Variants in NKAIN2 observed in about 807,000 individuals in gnomAD.
The protein encoded by NKAIN2 is sodium/potassium transporting ATPase interacting 2.
NKAIN2 carries 14 observed loss-of-function variants against 32.6 expected under a neutral mutation model. The ratio of observed to expected loss-of-function variants is 0.43; its 90% CI spans 0.28 to 0.67. The LOEUF is 0.67. NKAIN2 is among the 30% of genes least tolerant of loss of function. The pLI, the probability that NKAIN2 is intolerant of heterozygous loss-of-function variation, is 0.17. For synonymous variants in NKAIN2, 80 were observed against 87.2 expected, an observed-to-expected ratio of 0.92 and a Z score of 0.46; for missense variants, 198 against 258.3, an observed-to-expected ratio of 0.77 and a Z score of 1.60.
At chr6:124,592,144 T>C (rs1300336314) in intron 3 of NKAIN2, among the ~76,000 whole-genome samples, 4 of 152,230 alleles carry the variant, frequency 2.6e-5, no homozygotes, top group Non-Finnish European at 5.9e-5. Context: ...CTAATGAGGA[T>C]GTCCTTGACT....
intron 1 of NKAIN2, among the ~76,000 whole-genome samples, chr6:124,168,892 A>G (rs931173284): frequency 2.0e-5 from 3 of 152,148 alleles, no homozygotes; most frequent in African/African-American, 7.2e-5. Flanking sequence ...GTCAAACAGA[A>G]TTATTGGCAT....
At chr6:124,370,675 A>C (rs1259374729) in intron 3 of NKAIN2, among the ~76,000 whole-genome samples, 1 of 151,990 alleles carries the variant, frequency 6.6e-6, no homozygotes, top group East Asian at 1.9e-4. Flanking sequence ...TTCCACTCTG[A>C]CAGAAAAATC....
chr6:124,077,921 C>A (rs1275593935), intron 1 of NKAIN2, among the ~76,000 whole-genome samples: 1 of 151,954 alleles, frequency 6.6e-6, no homozygotes, highest in African/African-American at 2.4e-5. Flanking sequence ...ATTCTTAATT[C>A]ATTTATATGC....
Position 124,255,828 on chromosome 6 carries a change from A to C in NKAIN2, c.55-27177A>C, listed in dbSNP as rs1793902371. On this transcript the variant is annotated intron_variant, in intron 1 of 6. Coordinates refer to ENST00000368417, the MANE Select transcript of NKAIN2 (RefSeq NM_001040214.3). ...AAAATATGCTCTCACTTGTCCTTTG[A>C]TTTAGAAATCCCACAGTCTCTTCTG... Among the ~76,000 whole-genome samples, 2 of 152,154 alleles carry C rather than the reference A, an allele frequency of 1.3e-5. 1 individual carries two copies. The highest frequency in any genetic ancestry group is 2.9e-5 in the Non-Finnish European group (2 of 68,028).
At chr6:123,996,646 T>C (rs1779631641) in intron 1 of NKAIN2, among the ~76,000 whole-genome samples, 1 of 152,156 alleles carries the variant, frequency 6.6e-6, no homozygotes. Context: ...TGCCTTTGCC[T>C]TATTTATATT....
chr6:124,242,772 G>T (rs73563719), intron 1 of NKAIN2, among the ~76,000 whole-genome samples: 161 of 151,528 alleles, frequency 1.1e-3, no homozygotes, highest in African/African-American at 3.7e-3. Context: ...AACCATTCCG[G>T]CAAACTAACA....
At chr6:124,691,451 T>C (rs1215873792) in intron 4 of NKAIN2, among the ~76,000 whole-genome samples, 1 of 152,142 alleles carries the variant, frequency 6.6e-6, no homozygotes, top group African/African-American at 2.4e-5. Flanking sequence ...ATTCAAATTC[T>C]TCATAATTGA....
Position 123,949,885 on chromosome 6 carries a change from G to A in NKAIN2, c.54+145631G>A, listed in dbSNP as rs543047031. Reference sequence around the variant, plus strand: ...CATGCTTATTTTGTTCCAGATGTTAGAGGAAAGACTTTCAGCTTTTCCACA... The same window carrying A: ...CATGCTTATTTTGTTCCAGATGTTAAAGGAAAGACTTTCAGCTTTTCCACA... On this transcript the variant is annotated intron_variant, in intron 1 of 6. Transcript: ENST00000368417. Among the ~76,000 whole-genome samples the A allele has an allele frequency of 9.9e-5, 15 of 152,092 alleles. No homozygotes were observed. The South Asian group carries it at 1.9e-3, about 19-fold the overall frequency.
chr6:123,883,650 A>T (rs9398743), intron 1 of NKAIN2, among the ~76,000 whole-genome samples: 31,755 of 109,588 alleles, frequency 0.29, 3,511 homozygotes, highest in African/African-American at 0.33. Flanking sequence ...TTAAAAAAAA[A>T]TTTTTTTTAA....
chr6:124,713,678 G>A (rs1004777239), intron 4 of NKAIN2, among the ~76,000 whole-genome samples: 4 of 152,134 alleles, frequency 2.6e-5, no homozygotes, highest in African/African-American at 9.7e-5. Flanking sequence ...GGGTGTTAGG[G>A]TGGCTGTCTT....
At chr6:124,035,706 T>C (rs1390204274) in intron 1 of NKAIN2, among the ~76,000 whole-genome samples, 1 of 152,178 alleles carries the variant, frequency 6.6e-6, no homozygotes, top group Non-Finnish European at 1.5e-5. Context: ...ACTCTACTTC[T>C]GCTCAAAATG....
chr6:124,527,666 C>G (rs1779369740), intron 3 of NKAIN2, among the ~76,000 whole-genome samples: 1 of 152,024 alleles, frequency 6.6e-6, no homozygotes, highest in Admixed American at 6.6e-5. Flanking sequence ...GAGAGACAAC[C>G]AAGTAAGCAA....
chr6:124,271,334 A>G (rs1445829171), intron 1 of NKAIN2, among the ~76,000 whole-genome samples: 2 of 152,146 alleles, frequency 1.3e-5, no homozygotes, highest in Non-Finnish European at 2.9e-5. Context: ...CTCCTGCCTC[A>G]GCCTCCCAAG....
chr6:124,776,022 G>A (rs1205401016), intron 4 of NKAIN2, among the ~76,000 whole-genome samples: 1 of 152,102 alleles, frequency 6.6e-6, no homozygotes, highest in African/African-American at 2.4e-5. Flanking sequence ...TTCAGTACAC[G>A]GCTCCTTTTC....
chr6:124,031,509 C>T (rs1461705740), intron 1 of NKAIN2, among the ~76,000 whole-genome samples: 2 of 152,074 alleles, frequency 1.3e-5, no homozygotes, highest in Non-Finnish European at 2.9e-5. Context: ...GTTAGGGTGT[C>T]AATTTTAGAT....
intron 3 of NKAIN2, among the ~76,000 whole-genome samples, chr6:124,484,820 T>G (rs1583320327): frequency 6.6e-6 from 1 of 152,166 alleles, no homozygotes; most frequent in South Asian, 2.1e-4. Flanking sequence ...CATAAATATA[T>G]ACATGCATGT....
At chr6:123,911,805 A>ATATATATATATATATG (rs1271100335) in intron 1 of NKAIN2, among the ~76,000 whole-genome samples, 3 of 102,688 alleles carry the variant, frequency 2.9e-5, no homozygotes, top group African/African-American at 1.3e-4. Flanking sequence ...ATATATGTAT[A>ATATATATATATATATG]TATATATACA....
At chr6:123,850,299 C>G (rs947262637) in intron 1 of NKAIN2, among the ~76,000 whole-genome samples, 61 of 148,118 alleles carry the variant, frequency 4.1e-4, no homozygotes, top group African/African-American at 1.5e-3. Flanking sequence ...GGGACTGGAT[C>G]ACATTTCCCC....
intron 1 of NKAIN2, among the ~76,000 whole-genome samples, chr6:124,186,153 A>AGGGAGGGAGGGAGGGAGGG: frequency 7.9e-6 from 1 of 127,072 alleles, no homozygotes; most frequent in African/African-American, 3.3e-5. Context: ...GGAAGGAAGG[A>AGGGAGGGAGGGAGGGAGGG]AGGGAGGGAG....
Sources: allele counts gnomAD v4.1 joint callset (sites outside exome capture counted in the v4.1 genomes callset), GRCh38; gene constraint gnomAD v4.1.1; transcripts MANE v1.5; gene names NCBI Gene and HGNC (gene_info 2026-07-23, HGNC 2026-07-21).